The following ROBO1 variants were observed in gnomAD, a reference collection of about 807,000 sequenced individuals.
ROBO1 encodes the protein roundabout guidance receptor 1.
In ROBO1, 149 loss-of-function variants were observed where a neutral mutation model predicts 195.9. The ratio of observed to expected loss-of-function variants is 0.76; its 90% CI spans 0.67 to 0.87. The LOEUF is 0.87. Ranked by LOEUF, ROBO1 falls within the 40% of genes least tolerant of loss-of-function variation. The probability of loss-of-function intolerance (pLI) is 0.00; values close to 1 mark genes in which losing one functional copy is unlikely to be tolerated. For missense variants in ROBO1, 1,933 were observed against 2,068.3 expected (o/e 0.93, Z 1.27); for synonymous variants, 816 against 733.2 (o/e 1.11, Z -1.82).
chr3:79,376,362 C>T lies in ROBO1; in HGVS notation c.88+213462G>A, dbSNP rs374793988. On this transcript the variant is annotated intron_variant, in intron 2 of 30. Transcript: ENST00000464233. Reference sequence around the variant, plus strand: ...TTTCTTTTATGTTTTATGAATAATTCTAATTCCATAATTTAAATATATTCA... The same window carrying T: ...TTTCTTTTATGTTTTATGAATAATTTTAATTCCATAATTTAAATATATTCA... Among the ~76,000 whole-genome samples, 72 of 152,212 alleles carry T rather than the reference C, an allele frequency of 4.7e-4. No homozygotes were observed. In the East Asian group the frequency reaches 0.011, roughly 24 times the overall value.
intron 2 of ROBO1, among the ~76,000 whole-genome samples, chr3:79,136,654 C>T (rs1373160576): frequency 6.6e-6 from 1 of 152,040 alleles, no homozygotes; most frequent in Non-Finnish European, 1.5e-5. Flanking sequence ...CAAGAAACCC[C>T]TATATTTGTG....
chr3:78,792,095 TG>T (rs1313257063), intron 4 of ROBO1, among the ~76,000 whole-genome samples: 1 of 152,188 alleles, frequency 6.6e-6, no homozygotes, highest in African/African-American at 2.4e-5. Flanking sequence ...TTTCTAACCC[TG>T]GGGAGTTGAC....
intron 3 of ROBO1, among the ~76,000 whole-genome samples, chr3:78,952,895 A>C (rs1252368234): frequency 1.3e-5 from 2 of 152,104 alleles, no homozygotes; most frequent in African/African-American, 4.8e-5. Flanking sequence ...GTCAAAATTT[A>C]GAATAACCCT....
intron 2 of ROBO1, among the ~76,000 whole-genome samples, chr3:79,457,421 G>A (rs909331939): frequency 6.6e-6 from 1 of 151,848 alleles, no homozygotes; most frequent in Non-Finnish European, 1.5e-5. Flanking sequence ...GTGTCTATGG[G>A]AGTGCATCGC....
intron 2 of ROBO1, among the ~76,000 whole-genome samples, chr3:79,338,407 A>G (rs2034771043): frequency 6.6e-6 from 1 of 152,044 alleles, no homozygotes; most frequent in Admixed American, 6.6e-5. Context: ...ACTTTACCAC[A>G]CTCAGTATGA....
rs148230649 is a variant in ROBO1 at position 79,479,791 on chromosome 3, C to G, written c.88+110033G>C. Among the ~76,000 whole-genome samples, 54 of 152,212 alleles carry G rather than the reference C, an allele frequency of 3.5e-4. 1 individual carries two copies. The East Asian group carries it at 0.01, about 29-fold the overall frequency. Reference sequence around the variant, plus strand: ...TTATGTCAGTTACATTATAATTAGTCTTCTGGAACTAGATCTTTCATCAAC... The same window carrying G: ...TTATGTCAGTTACATTATAATTAGTGTTCTGGAACTAGATCTTTCATCAAC... On this transcript the variant is annotated intron_variant, in intron 2 of 30. Transcript: ENST00000464233.
At chr3:79,420,198 CT>C (rs1392495313) in intron 2 of ROBO1, among the ~76,000 whole-genome samples, 15 of 151,954 alleles carry the variant, frequency 9.9e-5, no homozygotes, top group Admixed American at 9.9e-4. Context: ...AGTCAAATAC[CT>C]AATTTTATCA....
intron 3 of ROBO1, among the ~76,000 whole-genome samples, chr3:78,942,515 G>C (rs1447746743): frequency 6.6e-6 from 1 of 152,112 alleles, no homozygotes. Context: ...GTGAAGAGCA[G>C]TCTCACTGAA....
At position 78,630,177 on chromosome 3, in the gene ROBO1, G is replaced by GGTTATGTATT. The variant is rs1705098077; in HGVS notation, c.3626+974_3626+983dup. Among the ~76,000 whole-genome samples the GGTTATGTATT allele has an allele frequency of 3.3e-5, 5 of 152,132 alleles. No homozygotes were observed. The South Asian group carries it at 1.0e-3, about 31-fold the overall frequency. Reference sequence around the variant, plus strand: ...CTTTAAAAACACATACATAAAACAAGGTTATGTATTGGTCAGTGGACAAAT... The same window carrying GGTTATGTATT: ...CTTTAAAAACACATACATAAAACAAGGTTATGTATTGTTATGTATTGGTCAGTGGACAAAT... On this transcript the variant is annotated intron_variant, in intron 25 of 30. Coordinates refer to ENST00000464233, the MANE Select transcript of ROBO1 (RefSeq NM_002941.4).
chr3:78,639,222 C>T (rs938399170), intron 22 of ROBO1, among the ~76,000 whole-genome samples: 3 of 151,148 alleles, frequency 2.0e-5, no homozygotes, highest in Non-Finnish European at 2.9e-5. Flanking sequence ...TTTGGGAAGC[C>T]GAGGTGAATG....
intron 3 of ROBO1, among the ~76,000 whole-genome samples, chr3:79,046,599 AG>A (rs2078598884): frequency 6.6e-6 from 1 of 152,150 alleles, no homozygotes; most frequent in African/African-American, 2.4e-5. Context: ...CCAATGTTCA[AG>A]GGCAGGAAGC....
chr3:79,234,258 C>T (rs2082370774), intron 2 of ROBO1, among the ~76,000 whole-genome samples: 1 of 152,052 alleles, frequency 6.6e-6, no homozygotes, highest in South Asian at 2.1e-4. Flanking sequence ...AAATTCTATC[C>T]TAAGGCCAAT....
At chr3:79,564,370 A>T (rs994192711) in intron 2 of ROBO1, among the ~76,000 whole-genome samples, 2 of 151,938 alleles carry the variant, frequency 1.3e-5, no homozygotes, top group Non-Finnish European at 2.9e-5. Flanking sequence ...CTATTTTGGG[A>T]GGCAGTAATC....
intron 3 of ROBO1, among the ~76,000 whole-genome samples, chr3:78,985,314 A>C (rs949666904): frequency 2.6e-5 from 4 of 151,954 alleles, no homozygotes; most frequent in African/African-American, 9.7e-5. Context: ...AATAATAATA[A>C]TATTTTCTTT....
chr3:78,620,661 A>G (rs1704399146), intron 26 of ROBO1, among the ~76,000 whole-genome samples: 1 of 152,194 alleles, frequency 6.6e-6, no homozygotes, highest in African/African-American at 2.4e-5. Context: ...CTTTGTAGCT[A>G]AGCATATTTT....
chr3:79,302,772 A>T (rs1021855362), intron 2 of ROBO1, among the ~76,000 whole-genome samples: 16 of 152,156 alleles, frequency 1.1e-4, no homozygotes, highest in African/African-American at 3.6e-4. Context: ...AGAAGAGAGT[A>T]TATCAGTCAT....
At chr3:79,409,322 C>T (rs564005014) in intron 2 of ROBO1, among the ~76,000 whole-genome samples, 58 of 152,166 alleles carry the variant, frequency 3.8e-4, no homozygotes, top group African/African-American at 1.3e-3. Flanking sequence ...ATTCCCATAG[C>T]ATTCAGGTCT....
intron 3 of ROBO1, among the ~76,000 whole-genome samples, chr3:78,959,938 T>G (rs2041251362): frequency 6.6e-6 from 1 of 152,130 alleles, no homozygotes; most frequent in South Asian, 2.1e-4. Context: ...TATATGCTTT[T>G]GGGGAGTGGG....
At chr3:79,266,375 A>C (rs912183405) in intron 2 of ROBO1, among the ~76,000 whole-genome samples, 2 of 151,632 alleles carry the variant, frequency 1.3e-5, no homozygotes, top group Non-Finnish European at 1.5e-5. Context: ...GGTCATGTGA[A>C]AATTACAAAT....
Sources: allele counts gnomAD v4.1 joint callset (sites outside exome capture counted in the v4.1 genomes callset), GRCh38; gene constraint gnomAD v4.1.1; transcripts MANE v1.5; gene names NCBI Gene and HGNC (gene_info 2026-07-23, HGNC 2026-07-21).